The following HMCES variants were observed in gnomAD, a reference collection of about 807,000 sequenced individuals.
HMCES encodes the protein 5-hydroxymethylcytosine binding, ES cell specific, also known as abasic site processing protein HMCES.
HMCES carries 27 observed loss-of-function variants against 35.1 expected under a neutral mutation model. The observed-to-expected ratio is 0.77, with a 90% CI of 0.57 to 1.06. The LOEUF (loss-of-function observed/expected upper bound fraction) is 1.06, where lower values mean the gene tolerates loss of function less well. Among genes scored for constraint, HMCES ranks in the 50% least tolerant of loss-of-function variants. The pLI, the probability that HMCES is intolerant of heterozygous loss-of-function variation, is 0.00. For missense variants in HMCES, 391 were observed against 430.4 expected, an observed-to-expected ratio of 0.91 and a Z score of 0.81; for synonymous variants, 130 against 154.7, an observed-to-expected ratio of 0.84 and a Z score of 1.18.
At chr3:129,304,053 G>A (rs2107701613) in intron 6 of HMCES, among the ~76,000 whole-genome samples, 1 of 152,240 alleles carries the variant, frequency 6.6e-6, no homozygotes, top group South Asian at 2.1e-4. Context: ...CCCTGCCATG[G>A]TGTTTACTCC....
At chr3:129,299,468 C>T (rs1055478742) in intron 5 of HMCES, among the ~76,000 whole-genome samples, 2 of 152,066 alleles carry the variant, frequency 1.3e-5, no homozygotes, top group Admixed American at 6.6e-5. Flanking sequence ...AATTCTTTAG[C>T]GCATTTTCAT....
At position 129,279,777 on chromosome 3, in the gene HMCES, G is replaced by T; in HGVS notation, c.45G>T (p.Thr15=). ...GTCACTTACCTAGAGATGTTCTCAC[G>T]AGAGCTTGCGCCTACCAGGATCGGC... ...TSCHLPRDVL[T]RACAYQDRRG... Residue 15 remains threonine, a synonymous_variant, in exon 2 of 7, where the codon ACG becomes ACT. Transcript: ENST00000383463. The surrounding 1 kb of genome is among the most constrained non-coding windows in gnomAD (Gnocchi z 4.2). 1 of 1,613,494 alleles carries T rather than the reference G, an allele frequency of 6.2e-7. No individual in the cohort carries two copies. Among genetic ancestry groups the T allele is most frequent in the Non-Finnish European group, 8.5e-7 (1 of 1,179,778 alleles).
intron 2 of HMCES, among the ~76,000 whole-genome samples, chr3:129,287,044 T>A (rs570598207): frequency 6.6e-6 from 1 of 152,292 alleles, no homozygotes; most frequent in East Asian, 1.9e-4. Flanking sequence ...GGACGCAGAA[T>A]AGAATCAGCA....
At chr3:129,302,839 C>G (rs771672742) in intron 6 of HMCES, among the ~76,000 whole-genome samples, 7 of 151,774 alleles carry the variant, frequency 4.6e-5, no homozygotes, top group Non-Finnish European at 7.4e-5. Flanking sequence ...ATAGTGAGAC[C>G]CCGTTCTCCA....
intron 2 of HMCES, among the ~76,000 whole-genome samples, chr3:129,283,687 G>A (rs989724245): frequency 1.3e-5 from 2 of 152,140 alleles, no homozygotes; most frequent in Middle Eastern, 3.4e-3. Flanking sequence ...AAAATTAGTC[G>A]GGTGTGGTGG....
chr3:129,290,728 A>T lies in HMCES; in HGVS notation c.377A>T (p.Tyr126Phe). Residue 126 changes from tyrosine to phenylalanine, a missense_variant, in exon 4 of 7, where the codon TAT becomes TTT. Coordinates refer to ENST00000383463, the MANE Select transcript of HMCES (RefSeq NM_020187.3). ...RRCVVLADGF[Y>F]EWQRCQGTNQ... ...TGTGTCGTTTTAGCAGATGGATTCT[A>T]TGAGTGGCAGCGATGTCAGGGAACA... 6.2e-7 allele frequency: 1 copy of T among 1,613,632 alleles called. No homozygotes were observed. Among genetic ancestry groups the T allele is most frequent in the Non-Finnish European group, 8.5e-7 (1 of 1,179,598 alleles).
At chr3:129,293,664 G>A (rs2071052497) in intron 4 of HMCES, among the ~76,000 whole-genome samples, 1 of 144,928 alleles carries the variant, frequency 6.9e-6, no homozygotes, top group African/African-American at 2.6e-5. Context: ...TCCACCTCCT[G>A]GGTTCAAGCA....
At chr3:129,288,077 A>T (rs1940687638) in intron 2 of HMCES, among the ~76,000 whole-genome samples, 1 of 151,960 alleles carries the variant, frequency 6.6e-6, no homozygotes, top group Non-Finnish European at 1.5e-5. Context: ...AAAAATAAAA[A>T]AATTCGAGAC....
chr3:129,286,911 C>G (rs1248127940), intron 2 of HMCES, among the ~76,000 whole-genome samples: 2 of 152,000 alleles, frequency 1.3e-5, no homozygotes, highest in Non-Finnish European at 2.9e-5. Flanking sequence ...ATCAAGGGGC[C>G]CATTACTTAA....
chr3:129,300,207 G>A (rs1168877541), intron 5 of HMCES, among the ~76,000 whole-genome samples: 1 of 148,472 alleles, frequency 6.7e-6, no homozygotes, highest in Admixed American at 6.7e-5. Flanking sequence ...AGTTCAGAAA[G>A]GCAAAAGAAG....
chr3:129,299,661 T>C (rs1000093345), intron 5 of HMCES, among the ~76,000 whole-genome samples: 5 of 147,102 alleles, frequency 3.4e-5, no homozygotes, highest in Non-Finnish European at 7.5e-5. Flanking sequence ...TTTTTTTTTT[T>C]TTTTTTTTGA....
At chr3:129,284,661 T>TTGGGAGGC (rs1204669012) in intron 2 of HMCES, among the ~76,000 whole-genome samples, 1 of 152,116 alleles carries the variant, frequency 6.6e-6, no homozygotes, top group Non-Finnish European at 1.5e-5. Flanking sequence ...TCCCAGCACT[T>TTGGGAGGC]TGGGAGGCTG....
At chr3:129,290,247 G>C (rs374783162) in intron 3 of HMCES, among the ~76,000 whole-genome samples, 37 of 150,692 alleles carry the variant, frequency 2.5e-4, no homozygotes, top group African/African-American at 8.1e-4. Flanking sequence ...CTGTTTTAAG[G>C]TCATACATTG....
chr3:129,304,933 G>A lies in HMCES; in HGVS notation c.*108G>A. 1.1e-6 allele frequency: 1 copy of A among 882,972 alleles called. No individual in the cohort carries two copies. Among genetic ancestry groups the A allele is most frequent in the Non-Finnish European group, 1.8e-6 (1 of 563,816 alleles). The allele number at this position is 882,972 out of a possible 1,614,324, so 54.7% of individuals were successfully genotyped here. On this transcript the variant is annotated 3_prime_UTR_variant, in exon 7 of 7. Transcript: ENST00000383463. ...TTGCTTTGGGAGGAGGTGGCACTGT[G>A]TTAGTTGACAGTTGTGGGCTCATGT...
intron 4 of HMCES, among the ~76,000 whole-genome samples, chr3:129,296,411 C>A (rs2107695110): frequency 6.6e-6 from 1 of 152,272 alleles, no homozygotes; most frequent in East Asian, 1.9e-4. Context: ...GTTTCTGTCT[C>A]TCTGCTAACG....
intron 2 of HMCES, 70 bp from the exon 3 acceptor site, chr3:129,288,781 GTAA>G (rs999529065): frequency 1.5e-5 from 16 of 1,083,448 alleles, no homozygotes; most frequent in Non-Finnish European, 1.9e-5. Flanking sequence ...CCTAAATAAT[GTAA>G]TAAATACATA....
intron 2 of HMCES, among the ~76,000 whole-genome samples, chr3:129,287,009 G>C (rs898074830): frequency 1.3e-5 from 2 of 152,216 alleles, no homozygotes; most frequent in African/African-American, 4.8e-5. Flanking sequence ...ATAAGGCATA[G>C]TGTGTCTAAG....
intron 6 of HMCES, among the ~76,000 whole-genome samples, chr3:129,302,553 A>G (rs1289220808): frequency 6.6e-6 from 1 of 152,152 alleles, no homozygotes; most frequent in South Asian, 2.1e-4. Flanking sequence ...TCTCTACTAA[A>G]AATACAAAAA....
At position 129,305,240 on chromosome 3, in the gene HMCES, TAAA is replaced by T. The variant is rs997969787; in HGVS notation, c.*418_*420del. On this transcript the variant is annotated 3_prime_UTR_variant, in exon 7 of 7. Coordinates refer to ENST00000383463, the MANE Select transcript of HMCES (RefSeq NM_020187.3). ...TTTATTTTTAAGTTCTAAAATAAAA[TAAA>T]AATAAGTTCTTAAAATTTATTTTTT... is the stretch of plus-strand genomic sequence containing the variant. 2 of 158,084 alleles carry T rather than the reference TAAA, an allele frequency of 1.3e-5. No individual in the cohort carries two copies. Among genetic ancestry groups the T allele is most frequent in the Non-Finnish European group, 2.8e-5 (2 of 72,302 alleles). The allele number at this position is 158,084 out of a possible 1,614,324, so 9.8% of individuals were successfully genotyped here.
Sources: gnomAD v4.1 joint callset for allele counts (sites outside exome capture counted in the v4.1 genomes callset) on GRCh38, gnomAD v4.1.1 for gene constraint, Gnocchi (gnomAD v3.1) non-coding constraint, MANE v1.5 for transcripts, NCBI Gene and HGNC (gene_info 2026-07-23, HGNC 2026-07-21) for gene names.